Variants in TMEM179 observed in about 807,000 individuals in gnomAD.
TMEM179 encodes transmembrane protein 179.
A neutral mutation model predicts 22.2 loss-of-function variants in TMEM179; 17 were observed. The observed-to-expected ratio is 0.77, with a 90% confidence interval of 0.52 to 1.15. TMEM179 has a LOEUF of 1.15. Among genes scored for constraint, TMEM179 ranks in the 50% most tolerant of loss-of-function variants. The probability of loss-of-function intolerance (pLI) is 0.00; values close to 1 mark genes in which losing one functional copy is unlikely to be tolerated. For synonymous variants in TMEM179, 127 were observed against 140.5 expected (o/e 0.90, Z 0.68); for missense variants, 265 against 313.6 (o/e 0.84, Z 1.17).
rs1288737257 is a variant in TMEM179 at position 104,604,126 on chromosome 14, T to G, written c.305+311A>C. Among the ~76,000 whole-genome samples the G allele has an allele frequency of 6.6e-6, 1 of 152,082 alleles. No homozygotes were observed. The highest frequency in any genetic ancestry group is 1.9e-4 in the East Asian group (1 of 5,186). On this transcript the variant is annotated intron_variant, in intron 1 of 3. Coordinates refer to ENST00000556573, the MANE Select transcript of TMEM179 (RefSeq NM_001286389.2). This position sits in a 1 kb window ranked among gnomAD's most constrained non-coding sequence, Gnocchi z 4.6. ...GCCCGGCTGAGCCCGCCCAGGAAGG[T>G]CCAGGCCTGCTGGGTGATGACAGTG...
intron 1 of TMEM179, among the ~76,000 whole-genome samples, chr14:104,602,414 G>C (rs561680708): frequency 6.6e-6 from 1 of 152,198 alleles, no homozygotes; most frequent in African/African-American, 2.4e-5. Context: ...GTGCGTGAGC[G>C]ATGAACCAAC....
Position 104,604,520 on chromosome 14 carries a change from G to A in TMEM179, c.222C>T (p.Ser74=). 1 of 1,561,596 alleles carries A rather than the reference G, an allele frequency of 6.4e-7. No individual in the cohort carries two copies. The highest frequency in any genetic ancestry group is 1.7e-4 in the Middle Eastern group (1 of 5,946). The change falls in exon 1 of 4, where the codon AGC becomes AGT. Residue 74 remains serine, a synonymous_variant. Transcript: ENST00000556573. This position sits in a 1 kb window ranked among gnomAD's most constrained non-coding sequence, Gnocchi z 4.6. ...EWGPPAACRF[S]LLASLLSLLL... ...GCAGAGACAGGAGGCTGGCGAGCAG[G>A]CTGAAGCGGCAGGCGGCCGGCGGGC...
Position 104,593,120 on chromosome 14 carries a change from G to A in TMEM179, c.*359C>T. On this transcript the variant is annotated 3_prime_UTR_variant, in exon 4 of 4. Transcript: ENST00000556573. ...CCCTGGGCCAGCTGGCATGGAGACAGCATCCGGCCAGGGTTGGGGGAGACA... is the reference window on the plus strand; with the variant it reads ...CCCTGGGCCAGCTGGCATGGAGACAACATCCGGCCAGGGTTGGGGGAGACA... The A allele has an allele frequency of 3.1e-6, 1 of 321,626 alleles. No homozygotes were observed. The highest frequency in any genetic ancestry group is 6.3e-5 in the East Asian group (1 of 15,886). 19.9% of individuals were successfully genotyped at this position (321,626 alleles called of 1,614,324 possible). A position where few individuals can be genotyped will look rare whatever the true frequency, so the allele number is the denominator to read the frequency against.
In TMEM179 at chr14:104,593,135, T is replaced by G; in HGVS notation, c.*344A>C. ...CATGGAGACAGCATCCGGCCAGGGT[T>G]GGGGGAGACAAGCTGGACGCCCTCC... On this transcript the variant is annotated 3_prime_UTR_variant, in exon 4 of 4. Coordinates refer to ENST00000556573, the MANE Select transcript of TMEM179 (RefSeq NM_001286389.2). 1 of 367,540 alleles carries G rather than the reference T, an allele frequency of 2.7e-6. No homozygotes were observed. The highest frequency in any genetic ancestry group is 5.0e-6 in the Non-Finnish European group (1 of 201,110). The allele number at this position is 367,540 out of a possible 1,614,324, so 22.8% of individuals were successfully genotyped here.
chr14:104,595,925 G>A lies in TMEM179; in HGVS notation c.444-682C>T, dbSNP rs550973696. Among the ~76,000 whole-genome samples, 16 of 152,376 alleles carry A rather than the reference G, an allele frequency of 1.1e-4. No homozygotes were observed. The highest frequency in any genetic ancestry group is 3.8e-4 in the African/African-American group (16 of 41,588). On this transcript the variant is annotated intron_variant, in intron 2 of 3. Transcript: ENST00000556573. This position sits in a 1 kb window ranked among gnomAD's most constrained non-coding sequence, Gnocchi z 5.7. ...CCCAGCGGCCCCAAATCCCTGGAGG[G>A]GCTGAAGGGCTGGAAACAGTGTCTG... is the stretch of plus-strand genomic sequence containing the variant.
rs1488634826 is a variant in TMEM179, at chr14:104,593,622, TGGCCAGCCA to T, written c.550_558del (p.Trp184_Ala186del). 2 of 1,492,778 alleles carry T rather than the reference TGGCCAGCCA, an allele frequency of 1.3e-6. No homozygotes were observed. The highest frequency in any genetic ancestry group is 1.8e-6 in the Non-Finnish European group (2 of 1,121,760). The allele number at this position is 1,492,778 out of a possible 1,614,324, so 92.5% of individuals were successfully genotyped here. A position where few individuals can be genotyped will look rare whatever the true frequency, so the allele number is the denominator to read the frequency against. ...ACCTTCAGGAAGGCCAGCGTGGTGA[TGGCCAGCCA>T]GGCCAGCCATGAGGCCCAGAGGCCA... On this transcript the variant is annotated inframe_deletion, in exon 4 of 4. Coordinates refer to ENST00000556573, the MANE Select transcript of TMEM179 (RefSeq NM_001286389.2).
At chr14:104,603,441 C>T (rs1029089806) in intron 1 of TMEM179, among the ~76,000 whole-genome samples, 1 of 151,426 alleles carries the variant, frequency 6.6e-6, no homozygotes, top group Admixed American at 6.6e-5. Context: ...TACAGGATCT[C>T]GGGCTGCTCC....
chr14:104,604,476 G>C lies in TMEM179; in HGVS notation c.266C>G (p.Ala89Gly), dbSNP rs986790053. 1.0e-4 allele frequency: 164 copies of C among 1,581,658 alleles called. No individual in the cohort carries two copies. Among genetic ancestry groups the C allele is most frequent in the Non-Finnish European group, 1.3e-4 (151 of 1,167,648 alleles). ...GCAGAGGAAGAAGAGCGTGCGCCAGGCGTGCGCGGCGGCCAGCAGCAGAGA... is the reference window on the plus strand; with the variant it reads ...GCAGAGGAAGAAGAGCGTGCGCCAGCCGTGCGCGGCGGCCAGCAGCAGAGA... ...LLSLLLAAAHAWRTLFFLCKG... is the reference protein window; with the variant it reads ...LLSLLLAAAHGWRTLFFLCKG... Residue 89 changes from alanine to glycine, a missense_variant, in exon 1 of 4, where the codon GCC becomes GGC. Transcript: ENST00000556573. The surrounding 1 kb of genome is among the most constrained non-coding windows in gnomAD (Gnocchi z 4.6).
intron 3 of TMEM179, chr14:104,594,056 G>T: frequency 4.1e-6 from 5 of 1,231,924 alleles, no homozygotes; most frequent in Non-Finnish European, 5.1e-6. Flanking sequence ...CCAACCACCG[G>T]AATAAATTGA....
chr14:104,596,882 G>A (rs976753511), intron 2 of TMEM179, 108 bp downstream of exon 2: 53 of 1,425,138 alleles, frequency 3.7e-5, no homozygotes, highest in South Asian at 6.6e-5. Context: ...ACCAGGGACC[G>A]CAGACTCAGG....
Position 104,604,307 on chromosome 14 carries a change from G to A in TMEM179, c.305+130C>T, listed in dbSNP as rs1020612158. On this transcript the variant is annotated intron_variant, in intron 1 of 3. Transcript: ENST00000556573. This position sits in a 1 kb window ranked among gnomAD's most constrained non-coding sequence, Gnocchi z 4.6. ...CGGTCTGAGTGGAGGGGGTGAGGGC[G>A]GATTGTTGACATTTGCGGGCCTCGG... The A allele has an allele frequency of 3.9e-6, 4 of 1,024,718 alleles. No individual in the cohort carries two copies. Among genetic ancestry groups the A allele is most frequent in the Admixed American group, 3.3e-5 (1 of 30,596 alleles). 63.5% of individuals were successfully genotyped at this position (1,024,718 alleles called of 1,614,324 possible).
intron 1 of TMEM179, among the ~76,000 whole-genome samples, chr14:104,600,027 A>G (rs1887183920): frequency 6.6e-6 from 1 of 152,186 alleles, no homozygotes; most frequent in African/African-American, 2.4e-5. Flanking sequence ...GTCTTCTCCC[A>G]TGACCAGATC....
intron 1 of TMEM179, among the ~76,000 whole-genome samples, chr14:104,601,626 T>G (rs575968818): frequency 6.6e-6 from 1 of 152,218 alleles, no homozygotes; most frequent in Non-Finnish European, 1.5e-5. Flanking sequence ...GGTGGCCACA[T>G]GACCACGTGA....
rs1279015575 is a variant in TMEM179, at chr14:104,591,835, G to A, written c.*1644C>T. 6 of 185,400 alleles carry A rather than the reference G, an allele frequency of 3.2e-5. No individual in the cohort carries two copies. The highest frequency in any genetic ancestry group is 1.8e-4 in the East Asian group (1 of 5,608). 11.5% of individuals were successfully genotyped at this position (185,400 alleles called of 1,614,324 possible). A position where few individuals can be genotyped will look rare whatever the true frequency, so the allele number is the denominator to read the frequency against. The stretch of plus-strand genomic sequence containing the variant: ...CAGCAGGGAGCACTTGGCAGCACTC[G>A]AGCCAAGAAACGGACAGCCCCTCAT... On this transcript the variant is annotated 3_prime_UTR_variant, in exon 4 of 4. Coordinates refer to ENST00000556573, the MANE Select transcript of TMEM179 (RefSeq NM_001286389.2).
At position 104,599,667 on chromosome 14, in the gene TMEM179, G is replaced by A. The variant is rs114682059; in HGVS notation, c.306-2540C>T. On this transcript the variant is annotated intron_variant, in intron 1 of 3. Transcript: ENST00000556573. ...TCTGCAGTCTTGGACCAGCTGCTCC[G>A]CCCCAGCCAAGGAGAAGGTGGTGGC... 8.6e-3 allele frequency among the ~76,000 whole-genome samples: 1,310 copies of A among 152,308 alleles called. 16 individuals carry two copies. The highest frequency in any genetic ancestry group is 0.028 in the African/African-American group (1,162 of 41,576).
intron 1 of TMEM179, among the ~76,000 whole-genome samples, chr14:104,602,309 C>G (rs960267203): frequency 1.3e-5 from 2 of 152,204 alleles, no homozygotes; most frequent in Non-Finnish European, 2.9e-5. Context: ...TCTCCCATCA[C>G]TCTGACCACA....
chr14:104,602,827 C>T (rs1251521123), intron 1 of TMEM179, among the ~76,000 whole-genome samples: 2 of 152,220 alleles, frequency 1.3e-5, no homozygotes, highest in Non-Finnish European at 2.9e-5. Context: ...CATCCAGAAC[C>T]TTAGTGTCGT....
chr14:104,597,276 G>C lies in TMEM179; in HGVS notation c.306-149C>G. 1 of 1,164,614 alleles carries C rather than the reference G, an allele frequency of 8.6e-7. No individual in the cohort carries two copies. The highest frequency in any genetic ancestry group is 1.2e-6 in the Non-Finnish European group (1 of 849,620). 72.1% of individuals were successfully genotyped at this position (1,164,614 alleles called of 1,614,324 possible). ...ACCAGCAGCACCCCCCGGACCCTCAGGATTCCTGGGTTGGGCCCTGTGGGG... is the reference window on the plus strand; with the variant it reads ...ACCAGCAGCACCCCCCGGACCCTCACGATTCCTGGGTTGGGCCCTGTGGGG... On this transcript the variant is annotated intron_variant, in intron 1 of 3. Coordinates refer to ENST00000556573, the MANE Select transcript of TMEM179 (RefSeq NM_001286389.2). The surrounding 1 kb of genome is among the most constrained non-coding windows in gnomAD (Gnocchi z 4.8).
chr14:104,601,279 C>T (rs1887229720), intron 1 of TMEM179, among the ~76,000 whole-genome samples: 1 of 152,190 alleles, frequency 6.6e-6, no homozygotes, highest in African/African-American at 2.4e-5. Context: ...GCACAGGTAT[C>T]GGGGCCAGGT....
Sources: gnomAD v4.1 joint callset for allele counts (sites outside exome capture counted in the v4.1 genomes callset) on GRCh38, gnomAD v4.1.1 for gene constraint, Gnocchi (gnomAD v3.1) non-coding constraint, MANE v1.5 for transcripts, NCBI Gene and HGNC (gene_info 2026-07-23, HGNC 2026-07-21) for gene names.